The following EPHB6 variants were observed in gnomAD, a reference collection of about 807,000 sequenced individuals.
EPHB6 encodes the protein ephrin type-B receptor 6.
Under a neutral mutation model 107.0 loss-of-function variants are expected in EPHB6, and 51 were observed. The ratio of observed to expected loss-of-function variants is 0.48; its 90% confidence interval spans 0.38 to 0.60. The LOEUF is 0.60. Among genes scored for constraint, EPHB6 ranks in the 20% least tolerant of loss-of-function variants. EPHB6 has a pLI of 0.00. For synonymous variants in EPHB6, 553 were observed against 549.0 expected, an observed-to-expected ratio of 1.01 and a Z score of -0.10; for missense variants, 1,141 against 1,355.5, an observed-to-expected ratio of 0.84 and a Z score of 2.48.
chr7:142,869,996 C>G lies in EPHB6; in HGVS notation c.2610+30C>G. 1.2e-6 allele frequency: 2 copies of G among 1,614,064 alleles called. No homozygotes were observed. The highest frequency in any genetic ancestry group is 1.7e-6 in the Non-Finnish European group (2 of 1,179,968). On this transcript the variant is annotated intron_variant, in intron 17 of 19. Coordinates refer to ENST00000652003, the MANE Select transcript of EPHB6 (RefSeq NM_004445.6). This position sits in a 1 kb window ranked among gnomAD's most constrained non-coding sequence, Gnocchi z 4.5. Reference sequence around the variant, plus strand: ...GCACTGACCTAGACACTGCTGATTTCCCACCCCGATCCCTCCCAGGTTGGA... The same window carrying G: ...GCACTGACCTAGACACTGCTGATTTGCCACCCCGATCCCTCCCAGGTTGGA...
intron 7 of EPHB6, among the ~76,000 whole-genome samples, 154 bp from the exon 8 acceptor site, chr7:142,865,321 T>TGAGGGAAGA (rs1803090752): frequency 6.6e-6 from 1 of 152,180 alleles, no homozygotes; most frequent in Non-Finnish European, 1.5e-5. Context: ...AATCTCTGCC[T>TGAGGGAAGA]GAGGGAAGAG....
At position 142,869,112 on chromosome 7, in the gene EPHB6, G is replaced by A. The variant is rs1563348007; in HGVS notation, c.2425G>A (p.Val809Met). 7.4e-6 allele frequency: 12 copies of A among 1,613,558 alleles called. No individual in the cohort carries two copies. Among genetic ancestry groups the A allele is most frequent in the Admixed American group, 1.7e-5 (1 of 60,010 alleles). Reference protein sequence around the residue: ...AHSVLVNSHLVCKVARLGHSP... With the variant: ...AHSVLVNSHLMCKVARLGHSP... ...CAGCGTGCTGGTGAATAGCCACTTG[G>A]TGTGCAAGGTGGCCCGTCTTGGCCA... The change falls in exon 16 of 20, where the codon GTG becomes ATG. Residue 809 changes from valine (V) to methionine (M), a missense_variant. Coordinates refer to ENST00000652003, the MANE Select transcript of EPHB6 (RefSeq NM_004445.6). The surrounding 1 kb of genome is among the most constrained non-coding windows in gnomAD (Gnocchi z 4.5).
At position 142,869,927 on chromosome 7, in the gene EPHB6, T is replaced by TATCCCAAAGGGA; in HGVS notation, c.2571_2572insATCCCAAAGGGA (p.Ser857_Tyr858insIleProLysGly). On this transcript the variant is annotated inframe_insertion, in exon 17 of 20. Transcript: ENST00000652003. This position sits in a 1 kb window ranked among gnomAD's most constrained non-coding sequence, Gnocchi z 4.5. ...GGATACTCATGTGGGAAGTGATGAGTTATGGAGAACGGCCTTACTGGGACA... is the reference window on the plus strand; with the variant it reads ...GGATACTCATGTGGGAAGTGATGAGTATCCCAAAGGGATATGGAGAACGGCCTTACTGGGACA... 6.2e-7 allele frequency: 1 copy of TATCCCAAAGGGA among 1,614,068 alleles called. No individual in the cohort carries two copies.
rs183130274 is a variant in EPHB6 at position 142,869,397 on chromosome 7, C to A, written c.2460+250C>A. Among the ~76,000 whole-genome samples, 2 of 152,272 alleles carry A rather than the reference C, an allele frequency of 1.3e-5. No individual in the cohort carries two copies. The highest frequency in any genetic ancestry group is 2.1e-4 in the South Asian group (1 of 4,828). On this transcript the variant is annotated intron_variant, in intron 16 of 19. Coordinates refer to ENST00000652003, the MANE Select transcript of EPHB6 (RefSeq NM_004445.6). The surrounding 1 kb of genome is among the most constrained non-coding windows in gnomAD (Gnocchi z 4.5). ...TGCAACAATCTAGAACTACCTCCTG[C>A]CCTTCCCCCATTGTGGAGATTACAC... is the stretch of plus-strand genomic sequence containing the variant.
intron 8 of EPHB6, 126 bp from the exon 9 acceptor site, chr7:142,865,834 C>G: frequency 8.5e-7 from 1 of 1,172,998 alleles, no homozygotes; most frequent in South Asian, 1.3e-5. Flanking sequence ...TCTGGGCTAC[C>G]CCCACCCCAC....
intron 1 of EPHB6, among the ~76,000 whole-genome samples, chr7:142,856,862 T>C (rs1802634531): frequency 6.6e-6 from 1 of 152,114 alleles, no homozygotes; most frequent in South Asian, 2.1e-4. Flanking sequence ...ACAGCCCCCA[T>C]CTACACAGAC....
Position 142,868,196 on chromosome 7 carries a change from C to T in EPHB6, c.1919-45C>T, listed in dbSNP as rs201789911. The T allele has an allele frequency of 4.2e-5, 68 of 1,614,098 alleles. 1 individual carries two copies. In the Admixed American group the frequency reaches 1.1e-3, roughly 26 times the overall value. ...GGCATGTCTGGGGTGCGCGGGCAGC[C>T]CTGCCTTTCACAACACGCTCATAAC... On this transcript the variant is annotated intron_variant, in intron 13 of 19. Coordinates refer to ENST00000652003, the MANE Select transcript of EPHB6 (RefSeq NM_004445.6). This position sits in a 1 kb window ranked among gnomAD's most constrained non-coding sequence, Gnocchi z 4.2.
At position 142,868,270 on chromosome 7, in the gene EPHB6, T is replaced by A; in HGVS notation, c.1948T>A (p.Ser650Thr). The change falls in exon 14 of 20, where the codon TCC becomes ACC. Residue 650 changes from serine (S) to threonine (T), a missense_variant. By Grantham distance (58) the Ser-to-Thr change is moderately conservative. This residue lies in a region of EPHB6 where 616 missense variants were observed against 759.3 expected (regional missense o/e 0.81). Coordinates refer to ENST00000652003, the MANE Select transcript of EPHB6 (RefSeq NM_004445.6). The surrounding 1 kb of genome is among the most constrained non-coding windows in gnomAD (Gnocchi z 4.2). ...GLGVKYYIDPSTYEDPCQAIR... is the reference protein window; with the variant it reads ...GLGVKYYIDPTTYEDPCQAIR... ...CGGGGTGAAGTATTACATCGACCCC[T>A]CCACCTACGAGGACCCCTGTCAGGC... 1 of 1,614,070 alleles carries A rather than the reference T, an allele frequency of 6.2e-7. No individual in the cohort carries two copies. The highest frequency in any genetic ancestry group is 1.3e-5 in the African/African-American group (1 of 75,016).
intron 1 of EPHB6, among the ~76,000 whole-genome samples, chr7:142,856,581 C>T (rs1802620993): frequency 1.3e-5 from 2 of 152,080 alleles, no homozygotes; most frequent in African/African-American, 4.8e-5. Flanking sequence ...GAGCCTGGGC[C>T]CTAGACCCTG....
Position 142,870,288 on chromosome 7 carries a change from G to C in EPHB6, c.2685G>C (p.Met895Ile), listed in dbSNP as rs1218137386. The C allele has an allele frequency of 1.2e-6, 2 of 1,614,120 alleles. No individual in the cohort carries two copies. The highest frequency in any genetic ancestry group is 1.7e-6 in the Non-Finnish European group (2 of 1,180,054). Residue 895 changes from methionine (M) to isoleucine (I), a missense_variant, in exon 18 of 20, where the codon ATG (methionine) becomes ATC (isoleucine). By Grantham distance (10) the Met-to-Ile change is conservative. This residue lies in a region of EPHB6 where 616 missense variants were observed against 759.3 expected (regional missense o/e 0.81). Coordinates refer to ENST00000652003, the MANE Select transcript of EPHB6 (RefSeq NM_004445.6). ...PGCPPGLHLLMLDTWQKDRAR... is the reference protein window; with the variant it reads ...PGCPPGLHLLILDTWQKDRAR... ...GTCCTCCTGGATTACATCTACTTATGTTGGACACTTGGCAGAAGGACCGTG... is the reference window on the plus strand; with the variant it reads ...GTCCTCCTGGATTACATCTACTTATCTTGGACACTTGGCAGAAGGACCGTG...
At chr7:142,863,035 C>G in intron 4 of EPHB6, 92 bp from the exon 5 acceptor site, 1 of 602,582 alleles carries the variant, frequency 1.7e-6, no homozygotes, top group Non-Finnish European at 3.0e-6. Flanking sequence ...TAGGAGGAGA[C>G]ACAGACACGG....
At position 142,869,272 on chromosome 7, in the gene EPHB6, AGG is replaced by A; in HGVS notation, c.2460+127_2460+128del. 1 of 1,116,270 alleles carries A rather than the reference AGG, an allele frequency of 9.0e-7. No individual in the cohort carries two copies. The highest frequency in any genetic ancestry group is 1.3e-6 in the Non-Finnish European group (1 of 771,720). 69.1% of individuals were successfully genotyped at this position (1,116,270 alleles called of 1,614,324 possible). Reference sequence around the variant, plus strand: ...CCGGGGTGTCATAGTCCCTGAAAGGAGGGAGGCTCTCCTGTGTGATGGGGAGA... The same window carrying A: ...CCGGGGTGTCATAGTCCCTGAAAGGAGAGGCTCTCCTGTGTGATGGGGAGA... On this transcript the variant is annotated intron_variant, in intron 16 of 19. Coordinates refer to ENST00000652003, the MANE Select transcript of EPHB6 (RefSeq NM_004445.6). This position sits in a 1 kb window ranked among gnomAD's most constrained non-coding sequence, Gnocchi z 4.5.
In EPHB6 at chr7:142,867,543, G is replaced by A. The variant is rs757465373; in HGVS notation, c.1751-65G>A. On this transcript the variant is annotated intron_variant, in intron 11 of 19. Coordinates refer to ENST00000652003, the MANE Select transcript of EPHB6 (RefSeq NM_004445.6). This position sits in a 1 kb window ranked among gnomAD's most constrained non-coding sequence, Gnocchi z 5.3. Reference sequence around the variant, plus strand: ...GTGCCTGTGGTGTGTGTGGGTGCCTGGGCACATGAACAAGCACCTGTGAGA... The same window carrying A: ...GTGCCTGTGGTGTGTGTGGGTGCCTAGGCACATGAACAAGCACCTGTGAGA... 53 of 1,386,666 alleles carry A rather than the reference G, an allele frequency of 3.8e-5. No homozygotes were observed. The highest frequency in any genetic ancestry group is 5.3e-5 in the Non-Finnish European group (53 of 993,086). 85.9% of individuals were successfully genotyped at this position (1,386,666 alleles called of 1,614,324 possible).
Position 142,867,146 on chromosome 7 carries a change from C to A in EPHB6, c.1750+78C>A, listed in dbSNP as rs900073869. The A allele has an allele frequency of 1.2e-5, 18 of 1,538,638 alleles. No homozygotes were observed. The highest frequency in any genetic ancestry group is 1.5e-5 in the Non-Finnish European group (17 of 1,141,140). On this transcript the variant is annotated intron_variant, in intron 11 of 19. Transcript: ENST00000652003. The surrounding 1 kb of genome is among the most constrained non-coding windows in gnomAD (Gnocchi z 5.3). ...AGGAGAGGCCCAGGGACTGTCCGGC[C>A]TTGAACCCTGGCCCCGTGCTTCCCA...
At chr7:142,859,804 A>G (rs1281558592) in intron 1 of EPHB6, among the ~76,000 whole-genome samples, 1 of 152,228 alleles carries the variant, frequency 6.6e-6, no homozygotes, top group Non-Finnish European at 1.5e-5. Context: ...GTGGTCATCC[A>G]CAGGCAGTGT....
At position 142,870,516 on chromosome 7, in the gene EPHB6, C is replaced by A; in HGVS notation, c.2805-14C>A. ...AAGAGGAGACCTTGACCCTGCTTGC[C>A]CCTCCCCTCTTAGGCCTTCCCAGGC... On this transcript the variant is annotated splice_polypyrimidine_tract_variant and intron_variant, in intron 18 of 19. Coordinates refer to ENST00000652003, the MANE Select transcript of EPHB6 (RefSeq NM_004445.6). The A allele has an allele frequency of 6.2e-7, 1 of 1,614,156 alleles. No homozygotes were observed. Among genetic ancestry groups the A allele is most frequent in the Non-Finnish European group, 8.5e-7 (1 of 1,180,046 alleles).
In EPHB6 at chr7:142,867,074, C is replaced by T. The variant is rs751542991; in HGVS notation, c.1750+6C>T. 1.4e-5 allele frequency: 23 copies of T among 1,611,906 alleles called. No individual in the cohort carries two copies. In the East Asian group the frequency reaches 1.6e-4, roughly 11 times the overall value. On this transcript the variant is annotated splice_donor_region_variant and intron_variant, in intron 11 of 19. Transcript: ENST00000652003. This position sits in a 1 kb window ranked among gnomAD's most constrained non-coding sequence, Gnocchi z 5.3. The stretch of plus-strand genomic sequence containing the variant: ...TTTCCAGACACTTCCTCAAGGTGAG[C>T]GGGGGTCAAGGGCCAGATGGGCAGG...
intron 17 of EPHB6, 57 bp from the exon 18 acceptor site, chr7:142,870,157 A>C: frequency 6.2e-7 from 1 of 1,610,180 alleles, no homozygotes; most frequent in Admixed American, 1.7e-5. Flanking sequence ...TACCCAACAA[A>C]GTACTCCCCT....
rs759448325 is a variant in EPHB6, at chr7:142,868,674, A to G, written c.2221A>G (p.Lys741Glu). 5.0e-6 allele frequency: 8 copies of G among 1,613,798 alleles called. No individual in the cohort carries two copies. Among genetic ancestry groups the G allele is most frequent in the Non-Finnish European group, 6.8e-6 (8 of 1,180,024 alleles). Reference sequence around the variant, plus strand: ...CCTGCGGCTGGAGGGCGTGGTCACCAAGAGCCGACCCCTCATGGTGCTGAC... The same window carrying G: ...CCTGCGGCTGGAGGGCGTGGTCACCGAGAGCCGACCCCTCATGGTGCTGAC... Reference protein sequence around the residue: ...NILRLEGVVTKSRPLMVLTEF... With the variant: ...NILRLEGVVTESRPLMVLTEF... Residue 741 changes from lysine (K) to glutamate (E), a missense_variant, in exon 15 of 20, where the codon AAG becomes GAG. Around this residue, in one of 3 missense-constraint regions of EPHB6, gnomAD observed 616 missense variants for 759.3 expected, o/e 0.81. Transcript: ENST00000652003. This position sits in a 1 kb window ranked among gnomAD's most constrained non-coding sequence, Gnocchi z 4.2.
Sources: gnomAD v4.1 joint callset for allele counts (sites outside exome capture counted in the v4.1 genomes callset) on GRCh38, gnomAD v4.1.1 for gene constraint, gnomAD v4.1.1 regional missense constraint, Gnocchi (gnomAD v3.1) non-coding constraint, MANE v1.5 for transcripts, NCBI Gene and HGNC (gene_info 2026-07-23, HGNC 2026-07-21) for gene names.